The following ZFHX3 variants were observed in gnomAD, a reference collection of about 807,000 sequenced individuals.
ZFHX3 encodes the protein zinc finger homeobox protein 3.
ZFHX3 carries 42 observed loss-of-function variants against 279.1 expected under a neutral mutation model. The ratio of observed to expected loss-of-function variants is 0.15; its 90% CI spans 0.12 to 0.19. The LOEUF (loss-of-function observed/expected upper bound fraction) is 0.19, where lower values mean the gene tolerates loss of function less well. ZFHX3 is among the 10% of genes least tolerant of loss of function. The pLI is 1.00. For missense variants in ZFHX3, 4,981 were observed against 4,754.0 expected, an observed-to-expected ratio of 1.05 and a Z score of -1.40; for synonymous variants, 2,293 against 1,957.8, an observed-to-expected ratio of 1.17 and a Z score of -4.52.
chr16:73,741,533 T>C (rs1436425047), intron 1 of ZFHX3, among the ~76,000 whole-genome samples: 1 of 152,150 alleles, frequency 6.6e-6, no homozygotes, highest in African/African-American at 2.4e-5. Context: ...GTGTTTTCTC[T>C]ATTGTACTTC....
intron 5 of ZFHX3, among the ~76,000 whole-genome samples, chr16:73,153,630 A>AAG (rs1967002790): frequency 6.6e-6 from 1 of 152,042 alleles, no homozygotes. Flanking sequence ...AGTTTAAGGG[A>AAG]AGAAATAAGC....
intron 8 of ZFHX3, among the ~76,000 whole-genome samples, chr16:73,086,795 C>T (rs561403976): frequency 1.1e-4 from 16 of 151,966 alleles, no homozygotes; most frequent in Admixed American, 4.6e-4. Flanking sequence ...CTCAGCTACT[C>T]GGGAGGCTGA....
chr16:73,329,865 G>T (rs1413009387), intron 3 of ZFHX3, among the ~76,000 whole-genome samples: 1 of 152,198 alleles, frequency 6.6e-6, no homozygotes, highest in Non-Finnish European at 1.5e-5. Context: ...CGAGTGAGTT[G>T]AAAGACTGCT....
chr16:73,114,833 G>A (rs1388455732), intron 7 of ZFHX3, among the ~76,000 whole-genome samples: 1 of 152,134 alleles, frequency 6.6e-6, no homozygotes, highest in Non-Finnish European at 1.5e-5. Context: ...ATTTTAGTTT[G>A]TTTTTAAAGA....
intron 2 of ZFHX3, among the ~76,000 whole-genome samples, chr16:73,512,206 G>A (rs1309515804): frequency 2.0e-5 from 3 of 149,524 alleles, no homozygotes; most frequent in African/African-American, 7.4e-5. Context: ...AAGGTGGGTG[G>A]ATCACAAGGT....
At chr16:73,219,602 T>C (rs554369073) in intron 5 of ZFHX3, among the ~76,000 whole-genome samples, 3 of 152,302 alleles carry the variant, frequency 2.0e-5, no homozygotes, top group South Asian at 4.1e-4. Context: ...CAATTTCCTA[T>C]CAGTATTTTG....
chr16:73,429,247 G>A (rs146412020), intron 3 of ZFHX3, among the ~76,000 whole-genome samples: 36 of 152,274 alleles, frequency 2.4e-4, no homozygotes, highest in African/African-American at 6.7e-4. Flanking sequence ...GAGTGAAGCC[G>A]ATAGAGTCCA....
At chr16:73,412,347 A>T (rs75859262) in intron 3 of ZFHX3, among the ~76,000 whole-genome samples, 1 of 144,020 alleles carries the variant, frequency 6.9e-6, no homozygotes, top group African/African-American at 2.5e-5. Flanking sequence ...AAAAAAAAAA[A>T]AAGTAAATGT....
At chr16:73,463,993 A>G (rs2018517262) in intron 2 of ZFHX3, among the ~76,000 whole-genome samples, 1 of 152,240 alleles carries the variant, frequency 6.6e-6, no homozygotes, top group Non-Finnish European at 1.5e-5. Context: ...GCATTAAAAT[A>G]AACAATACTG....
intron 2 of ZFHX3, among the ~76,000 whole-genome samples, chr16:73,649,883 G>C (rs1403526835): frequency 1.3e-5 from 2 of 152,156 alleles, no homozygotes; most frequent in Non-Finnish European, 2.9e-5. Flanking sequence ...TTCTGACCCT[G>C]GCAAGAGGAA....
At chr16:73,834,325 T>C (rs186749910) in intron 1 of ZFHX3, among the ~76,000 whole-genome samples, 4 of 152,336 alleles carry the variant, frequency 2.6e-5, no homozygotes, top group Admixed American at 2.6e-4. Flanking sequence ...ATCATTTCTT[T>C]ACTCATGAAA....
intron 5 of ZFHX3, among the ~76,000 whole-genome samples, chr16:73,247,686 G>A (rs111209786): frequency 0.22 from 30,213 of 137,652 alleles, 1,372 homozygotes; most frequent in Non-Finnish European, 0.31. Flanking sequence ...TGTATGCGGA[G>A]TATACGTGTG....
chr16:73,309,907 T>C (rs1159093582), intron 4 of ZFHX3, among the ~76,000 whole-genome samples: 4 of 8,988 alleles, frequency 4.5e-4, no homozygotes, highest in Admixed American at 1.3e-3. Context: ...TTTTCTTGCC[T>C]TTTTTTTTTT....
At chr16:73,715,086 C>A (rs1394006544) in intron 1 of ZFHX3, among the ~76,000 whole-genome samples, 1 of 152,146 alleles carries the variant, frequency 6.6e-6, no homozygotes. Flanking sequence ...CCCAATCTGC[C>A]TGCTCGGGTC....
intron 1 of ZFHX3, among the ~76,000 whole-genome samples, chr16:73,720,679 G>T (rs1464055519): frequency 6.6e-6 from 1 of 152,122 alleles, no homozygotes; most frequent in African/African-American, 2.4e-5. Flanking sequence ...AGAAAAAGGG[G>T]TTATCCCTGT....
intron 2 of ZFHX3, among the ~76,000 whole-genome samples, chr16:73,515,245 T>C (rs2143695843): frequency 6.6e-6 from 1 of 152,286 alleles, no homozygotes; most frequent in South Asian, 2.1e-4. Context: ...TTAAACTTCC[T>C]CAGTTGCCAA....
At chr16:72,974,043 G>C (rs1962231109) in intron 1 of ZFHX3, among the ~76,000 whole-genome samples, 1 of 152,208 alleles carries the variant, frequency 6.6e-6, no homozygotes, top group Non-Finnish European at 1.5e-5. Context: ...TTAGTCAGCA[G>C]AACACTAATT....
chr16:72,859,326 A>T (rs1053638526), intron 4 of ZFHX3, among the ~76,000 whole-genome samples: 1 of 152,270 alleles, frequency 6.6e-6, no homozygotes, highest in East Asian at 1.9e-4. Context: ...AGTTCTCTGG[A>T]TTCCATTCTT....
chr16:73,603,999 G>C (rs979730372), intron 2 of ZFHX3, among the ~76,000 whole-genome samples: 2 of 151,700 alleles, frequency 1.3e-5, no homozygotes, highest in Non-Finnish European at 2.9e-5. Context: ...GGCTGCTCTC[G>C]AACTCCTGAC....
Sources: allele counts gnomAD v4.1 joint callset (sites outside exome capture counted in the v4.1 genomes callset), GRCh38; gene constraint gnomAD v4.1.1; transcripts MANE v1.5; gene names NCBI Gene and HGNC (gene_info 2026-07-23, HGNC 2026-07-21).